NDST3: variants seen among roughly 807,000 people sequenced by gnomAD.
NDST3 encodes bifunctional heparan sulfate N-deacetylase/N-sulfotransferase 3.
NDST3 carries 58 observed loss-of-function variants against 96.1 expected under a neutral mutation model. That is an observed-to-expected ratio of 0.60 (90% CI 0.49 to 0.75). The LOEUF is 0.75. Ranked by LOEUF, NDST3 falls within the 30% of genes least tolerant of loss-of-function variation. The pLI is 0.00. For missense variants in NDST3, 788 were observed against 1,034.2 expected (o/e 0.76, Z 3.27); for synonymous variants, 333 against 359.7 (o/e 0.93, Z 0.84).
intron 5 of NDST3, among the ~76,000 whole-genome samples, chr4:118,138,949 G>A (rs188427286): frequency 2.2e-4 from 34 of 152,236 alleles, no homozygotes; most frequent in Admixed American, 4.6e-4. Flanking sequence ...ATCACACACT[G>A]GGAAGAAACA....
chr4:118,186,930 T>C lies in NDST3; in HGVS notation c.1540-37561T>C, dbSNP rs146199768. Reference sequence around the variant, plus strand: ...GACCATTTGACATTCTTGAGATGGCTGCATGCAAACATTCAAAACTTTTTA... The same window carrying C: ...GACCATTTGACATTCTTGAGATGGCCGCATGCAAACATTCAAAACTTTTTA... On this transcript the variant is annotated intron_variant, in intron 6 of 13. Transcript: ENST00000296499. Among the ~76,000 whole-genome samples the C allele has an allele frequency of 2.8e-3, 432 of 152,330 alleles. 4 individuals carry two copies. Among genetic ancestry groups the C allele is most frequent in the African/African-American group, 0.01 (417 of 41,584 alleles).
At chr4:118,150,556 C>T (rs1734319263) in intron 6 of NDST3, among the ~76,000 whole-genome samples, 1 of 150,558 alleles carries the variant, frequency 6.6e-6, no homozygotes, top group South Asian at 2.1e-4. Flanking sequence ...AACAAACAAC[C>T]CCATCAAAAA....
chr4:118,148,408 C>G (rs1734117079), intron 6 of NDST3, among the ~76,000 whole-genome samples: 1 of 152,200 alleles, frequency 6.6e-6, no homozygotes, highest in African/African-American at 2.4e-5. Flanking sequence ...TCCCACAGAA[C>G]CATTAGCTAA....
intron 3 of NDST3, among the ~76,000 whole-genome samples, chr4:118,106,757 C>CTCCA (rs1321909632): frequency 6.6e-6 from 1 of 151,952 alleles, no homozygotes; most frequent in Non-Finnish European, 1.5e-5. Flanking sequence ...TGCCACTGCG[C>CTCCA]TCCAGTCTAA....
intron 8 of NDST3, among the ~76,000 whole-genome samples, chr4:118,227,364 A>T (rs72917175): frequency 0.17 from 25,411 of 151,942 alleles, 2,258 homozygotes; most frequent in South Asian, 0.23. Flanking sequence ...TTTATAATAA[A>T]TCCCTTCTAG....
At position 118,143,628 on chromosome 4, in the gene NDST3, GA is replaced by G; in HGVS notation, c.1484del (p.Glu495GlyfsTer24). The G allele has an allele frequency of 6.2e-7, 1 of 1,610,668 alleles. No homozygotes were observed. The highest frequency in any genetic ancestry group is 8.5e-7 in the Non-Finnish European group (1 of 1,178,768). On this transcript the variant is annotated frameshift_variant, in exon 6 of 14. Coordinates refer to ENST00000296499, the MANE Select transcript of NDST3 (RefSeq NM_004784.3). LOFTEE classifies it high-confidence loss of function. ...FYKEYPGGPKELDKSIQGGEL... is the reference protein window; with the variant it reads ...FYKEYPGGPKXLDKSIQGGEL... ...CAAAGAATATCCAGGGGGTCCTAAA[GA>G]GCTGGATAAGAGTATCCAAGGAGGA...
intron 2 of NDST3, among the ~76,000 whole-genome samples, chr4:118,098,526 T>G (rs1273046288): frequency 2.0e-5 from 3 of 152,032 alleles, no homozygotes; most frequent in Non-Finnish European, 4.4e-5. Context: ...TGTCATTATT[T>G]GCCAATTTCA....
chr4:118,181,019 C>T (rs1478282314), intron 6 of NDST3, among the ~76,000 whole-genome samples: 1 of 152,028 alleles, frequency 6.6e-6, no homozygotes, highest in South Asian at 2.1e-4. Context: ...TCCTTGGTAC[C>T]CAAAATGCCA....
chr4:118,227,095 A>G, intron 8 of NDST3, 113 bp downstream of exon 8: 1 of 707,828 alleles, frequency 1.4e-6, no homozygotes, highest in Non-Finnish European at 2.4e-6. Context: ...AATGAATAAC[A>G]TGTTTTTCTC....
chr4:118,137,507 C>G (rs1161116596), intron 4 of NDST3, among the ~76,000 whole-genome samples: 1 of 152,152 alleles, frequency 6.6e-6, no homozygotes, highest in Non-Finnish European at 1.5e-5. Flanking sequence ...ATTATCCAAT[C>G]AAAAGTGTGT....
At chr4:118,145,140 A>T (rs140392522) in intron 6 of NDST3, among the ~76,000 whole-genome samples, 1 of 152,318 alleles carries the variant, frequency 6.6e-6, no homozygotes, top group Admixed American at 6.5e-5. Flanking sequence ...TCACAAATGG[A>T]AGTATTTTGA....
chr4:118,050,529 A>G (rs1249836743), intron 1 of NDST3, among the ~76,000 whole-genome samples: 7 of 152,168 alleles, frequency 4.6e-5, no homozygotes, highest in Admixed American at 4.6e-4. Flanking sequence ...AAGTTTCAGG[A>G]TACAAAATCA....
intron 2 of NDST3, among the ~76,000 whole-genome samples, chr4:118,085,196 G>A (rs986941285): frequency 3.3e-5 from 5 of 151,994 alleles, no homozygotes; most frequent in South Asian, 2.1e-4. Flanking sequence ...TCAAGTATGC[G>A]GAATTAAGTT....
Position 118,058,594 on chromosome 4 carries a change from AGTGTGT to A in NDST3, c.981+3739_981+3744del, listed in dbSNP as rs59628763. On this transcript the variant is annotated intron_variant, in intron 2 of 13. Coordinates refer to ENST00000296499, the MANE Select transcript of NDST3 (RefSeq NM_004784.3). ...TTTCAGTGAAATTGAAGTCAGGAAAAGTGTGTGTGTGTGTGTGTGTGTGTGTGTGTG... is the reference window on the plus strand; with the variant it reads ...TTTCAGTGAAATTGAAGTCAGGAAAAGTGTGTGTGTGTGTGTGTGTGTGTG... 3.4e-3 allele frequency among the ~76,000 whole-genome samples: 273 copies of A among 81,040 alleles called. 1 individual carries two copies. Among genetic ancestry groups the A allele is most frequent in the African/African-American group, 8.6e-3 (254 of 29,528 alleles). 53.2% of individuals were successfully genotyped at this position (81,040 alleles called of 152,430 possible).
chr4:118,074,195 T>C (rs1394534938), intron 2 of NDST3, among the ~76,000 whole-genome samples: 1 of 152,204 alleles, frequency 6.6e-6, no homozygotes, highest in African/African-American at 2.4e-5. Context: ...TATGGCCAAT[T>C]GCATGGTTGA....
At chr4:118,200,355 G>T (rs1191544901) in intron 6 of NDST3, among the ~76,000 whole-genome samples, 1 of 152,162 alleles carries the variant, frequency 6.6e-6, no homozygotes, top group African/African-American at 2.4e-5. Context: ...AGGGAGTACT[G>T]CCAGACTACC....
At chr4:118,232,405 G>C (rs1740359956) in intron 8 of NDST3, among the ~76,000 whole-genome samples, 1 of 151,952 alleles carries the variant, frequency 6.6e-6, no homozygotes, top group African/African-American at 2.4e-5. Flanking sequence ...CAAGGTGGAA[G>C]GATTGCATGA....
intron 1 of NDST3, among the ~76,000 whole-genome samples, chr4:118,036,812 A>G (rs1303459345): frequency 6.6e-6 from 1 of 152,228 alleles, no homozygotes; most frequent in Non-Finnish European, 1.5e-5. Flanking sequence ...ACCTACTACA[A>G]TTAATTAATG....
intron 6 of NDST3, among the ~76,000 whole-genome samples, chr4:118,157,794 A>G (rs948380268): frequency 6.6e-6 from 1 of 152,198 alleles, no homozygotes; most frequent in Non-Finnish European, 1.5e-5. Context: ...TGAGGGAGAG[A>G]TAAGCAAACC....
Sources: gnomAD v4.1 joint callset for allele counts (sites outside exome capture counted in the v4.1 genomes callset) on GRCh38, gnomAD v4.1.1 for gene constraint, MANE v1.5 for transcripts, NCBI Gene and HGNC (gene_info 2026-07-23, HGNC 2026-07-21) for gene names.